ZNG1B: variants seen among roughly 807,000 people sequenced by gnomAD.
The protein encoded by ZNG1B is zinc-regulated GTPase metalloprotein activator 1B.
chr2:113,464,694 C>A, the ZNG1B span, among the ~76,000 whole-genome samples: 1 of 150,538 alleles, frequency 6.6e-6, no homozygotes, highest in Non-Finnish European at 1.5e-5. Flanking sequence ...CAACTTACAA[C>A]TAGGTTTTTA....
chr2:113,455,614 A>G, the ZNG1B span: 1 of 1,287,162 alleles, frequency 7.8e-7, no homozygotes, highest in Non-Finnish European at 1.0e-6. Context: ...ACCCGTTCCC[A>G]ATCTGAGCAT....
At chr2:113,456,794 C>T in the ZNG1B span, among the ~76,000 whole-genome samples, 1 of 152,168 alleles carries the variant, frequency 6.6e-6, no homozygotes, top group East Asian at 1.9e-4. Context: ...AATTTTCCAA[C>T]TTGTCCAATT....
At chr2:113,459,552 A>C in the ZNG1B span, among the ~76,000 whole-genome samples, 1 of 151,026 alleles carries the variant, frequency 6.6e-6, no homozygotes, top group Admixed American at 6.6e-5. Context: ...TAAAAAAAAA[A>C]GTCCCTGTGA....
the ZNG1B span, among the ~76,000 whole-genome samples, chr2:113,474,822 G>A: frequency 6.6e-6 from 1 of 151,996 alleles, no homozygotes; most frequent in Admixed American, 6.6e-5. Flanking sequence ...TTAATCCTGA[G>A]TTCTAGTTTG....
the ZNG1B span, among the ~76,000 whole-genome samples, chr2:113,474,279 G>C: frequency 1.3e-5 from 2 of 150,966 alleles, no homozygotes; most frequent in Non-Finnish European, 3.0e-5. Flanking sequence ...TTGCGTAGAG[G>C]TGTTTGTAGT....
chr2:113,448,621 C>T, the ZNG1B span, among the ~76,000 whole-genome samples: 2 of 151,564 alleles, frequency 1.3e-5, no homozygotes, highest in South Asian at 2.1e-4. Context: ...AAATCTGTTG[C>T]TGGCCGGGCT....
At chr2:113,438,130 A>C in the ZNG1B span, 83 of 1,604,664 alleles carry the variant, frequency 5.2e-5, no homozygotes, top group Middle Eastern at 1.1e-3. Context: ...GATCAAGAGC[A>C]AATGTCTTCG....
the ZNG1B span, among the ~76,000 whole-genome samples, chr2:113,451,050 G>A: frequency 1.3e-4 from 20 of 152,148 alleles, no homozygotes; most frequent in African/African-American, 4.8e-4. Context: ...TCTTTGTTCT[G>A]AGCCCTAGAA....
chr2:113,448,149 A>G, the ZNG1B span, among the ~76,000 whole-genome samples: 113 of 152,124 alleles, frequency 7.4e-4, 1 homozygote, highest in Non-Finnish European at 1.3e-3. Flanking sequence ...AATAAGACTT[A>G]AAAGTCAAAG....
the ZNG1B span, chr2:113,466,327 G>T: frequency 2.7e-6 from 2 of 746,180 alleles, no homozygotes; most frequent in African/African-American, 2.2e-5. Context: ...CATAATATTC[G>T]TATTTATAAA....
At chr2:113,437,834 G>A in the ZNG1B span, 27 of 1,611,178 alleles carry the variant, frequency 1.7e-5, 1 homozygote, top group African/African-American at 2.3e-4. Flanking sequence ...TGGTCCCAGC[G>A]GTTCAGCTGA....
chr2:113,447,163 C>G, the ZNG1B span, among the ~76,000 whole-genome samples: 53 of 116,704 alleles, frequency 4.5e-4, no homozygotes, highest in African/African-American at 1.2e-3. Context: ...GGTGTGATGT[C>G]ACAGGCCTGT....
chr2:113,476,803 A>G, the ZNG1B span, among the ~76,000 whole-genome samples: 5 of 152,030 alleles, frequency 3.3e-5, no homozygotes, highest in Non-Finnish European at 7.4e-5. Context: ...TGCCTCTGCT[A>G]GGGAGTGCCT....
chr2:113,474,859 T>C, the ZNG1B span, among the ~76,000 whole-genome samples: 2 of 151,574 alleles, frequency 1.3e-5, no homozygotes, highest in Admixed American at 6.6e-5. Context: ...AGAGATAGTT[T>C]GTTATAATTT....
the ZNG1B span, chr2:113,454,808 A>T: frequency 1.9e-6 from 3 of 1,562,422 alleles, no homozygotes; most frequent in South Asian, 3.3e-5. Flanking sequence ...TGAGTGGCTC[A>T]TTATTGAGAG....
chr2:113,446,507 A>G, the ZNG1B span, among the ~76,000 whole-genome samples: 78 of 138,052 alleles, frequency 5.7e-4, no homozygotes, highest in African/African-American at 1.9e-3. Flanking sequence ...AGCACTTTGG[A>G]AGGCTGAGGC....
the ZNG1B span, among the ~76,000 whole-genome samples, chr2:113,473,946 C>T: frequency 6.8e-6 from 1 of 146,730 alleles, no homozygotes; most frequent in South Asian, 2.2e-4. Context: ...GTCTAAAATT[C>T]TCTTTTTTGG....
chr2:113,445,121 A>G, the ZNG1B span: 1 of 1,578,804 alleles, frequency 6.3e-7, no homozygotes, highest in Non-Finnish European at 8.6e-7. Flanking sequence ...GATGTATTAG[A>G]GGAATATCTA....
At chr2:113,479,942 C>T in the ZNG1B span, among the ~76,000 whole-genome samples, 2 of 151,854 alleles carry the variant, frequency 1.3e-5, no homozygotes, top group Admixed American at 6.6e-5. Flanking sequence ...CCACCTCAGA[C>T]TCATGAGTAG....
Sources: allele counts gnomAD v4.1 joint callset (sites outside exome capture counted in the v4.1 genomes callset), GRCh38; gene constraint gnomAD v4.1.1; transcripts MANE v1.5; gene names NCBI Gene and HGNC (gene_info 2026-07-23, HGNC 2026-07-21).